Variants in RPH3A observed in about 807,000 individuals in gnomAD.
RPH3A encodes the protein rabphilin-3A.
A neutral mutation model predicts 102.2 loss-of-function variants in RPH3A; 48 were observed. The ratio of observed to expected loss-of-function variants is 0.47; its 90% CI spans 0.37 to 0.60. The LOEUF (loss-of-function observed/expected upper bound fraction) is 0.60. RPH3A is among the 20% of genes least tolerant of loss of function. RPH3A has a pLI of 0.00. For missense variants in RPH3A, 781 were observed against 910.1 expected (o/e 0.86, Z 1.83); for synonymous variants, 310 against 324.3 (o/e 0.96, Z 0.47).
chr12:112,649,239 T>C (rs2039956871), intron 1 of RPH3A, among the ~76,000 whole-genome samples: 1 of 152,256 alleles, frequency 6.6e-6, no homozygotes, highest in African/African-American at 2.4e-5. Context: ...GTTGGAAAAG[T>C]TCGTGTCCAT....
intron 1 of RPH3A, among the ~76,000 whole-genome samples, chr12:112,714,399 G>A (rs1035000485): frequency 6.6e-6 from 1 of 152,086 alleles, no homozygotes; most frequent in Non-Finnish European, 1.5e-5. Context: ...CAGGAGCCAG[G>A]CCTCGCTCTA....
intron 2 of RPH3A, among the ~76,000 whole-genome samples, chr12:112,810,071 A>G (rs2041542687): frequency 6.6e-6 from 1 of 152,222 alleles, no homozygotes; most frequent in Non-Finnish European, 1.5e-5. Flanking sequence ...GGGACATTTC[A>G]GCTTCCTTTC....
intron 2 of RPH3A, among the ~76,000 whole-genome samples, chr12:112,814,178 C>T (rs550647703): frequency 6.6e-6 from 1 of 151,704 alleles, no homozygotes; most frequent in Non-Finnish European, 1.5e-5. Flanking sequence ...TAAGAAGAGC[C>T]CTTTCCTGGC....
intron 1 of RPH3A, among the ~76,000 whole-genome samples, chr12:112,585,460 C>T (rs1019491672): frequency 2.0e-5 from 3 of 152,176 alleles, no homozygotes; most frequent in South Asian, 2.1e-4. Flanking sequence ...TTACGCTGGG[C>T]GCGGTGGCTC....
chr12:112,700,027 G>T (rs4586233), intron 1 of RPH3A, among the ~76,000 whole-genome samples: 20,093 of 151,682 alleles, frequency 0.13, 1,358 homozygotes, highest in South Asian at 0.2. Flanking sequence ...TTTCCAAGGA[G>T]AACAAGCCAC....
intron 1 of RPH3A, chr12:112,694,942 GCTGT>G (rs2040339213): frequency 5.9e-6 from 1 of 170,114 alleles, no homozygotes; most frequent in South Asian, 2.0e-4. Context: ...GTTCCCTTCT[GCTGT>G]CTGAGTTCTC....
intron 2 of RPH3A, among the ~76,000 whole-genome samples, chr12:112,823,248 G>A (rs2041811284): frequency 1.3e-5 from 2 of 152,252 alleles, no homozygotes; most frequent in South Asian, 4.1e-4. Flanking sequence ...ATGAACGGGT[G>A]TGAACAGAGT....
intron 1 of RPH3A, among the ~76,000 whole-genome samples, chr12:112,697,132 T>C (rs763829224): frequency 1.3e-5 from 2 of 152,174 alleles, no homozygotes; most frequent in East Asian, 1.9e-4. Flanking sequence ...GTCCTACCCA[T>C]GGCAATAAGG....
chr12:112,761,550 A>G (rs1032644349), intron 1 of RPH3A, among the ~76,000 whole-genome samples: 16 of 152,230 alleles, frequency 1.1e-4, no homozygotes, highest in Non-Finnish European at 2.1e-4. Flanking sequence ...GCCGTCCAGG[A>G]AAGACTGGGA....
chr12:112,805,848 C>T (rs113457279), intron 2 of RPH3A, among the ~76,000 whole-genome samples: 1 of 152,190 alleles, frequency 6.6e-6, no homozygotes, highest in Non-Finnish European at 1.5e-5. Flanking sequence ...TATTGACCAT[C>T]TACTAACATG....
chr12:112,815,072 A>G (rs970237285), intron 2 of RPH3A, among the ~76,000 whole-genome samples: 1 of 152,120 alleles, frequency 6.6e-6, no homozygotes, highest in Admixed American at 6.5e-5. Context: ...CCTTCAGAAG[A>G]ATATACCCCA....
chr12:112,725,920 C>T (rs1011233880), intron 1 of RPH3A, among the ~76,000 whole-genome samples: 4 of 151,802 alleles, frequency 2.6e-5, no homozygotes, highest in Non-Finnish European at 5.9e-5. Flanking sequence ...CTCAGCCTCA[C>T]GAGTAGCTGG....
intron 1 of RPH3A, among the ~76,000 whole-genome samples, chr12:112,734,424 C>A (rs182728557): frequency 1.2e-4 from 19 of 152,312 alleles, no homozygotes; most frequent in Non-Finnish European, 2.9e-5. Flanking sequence ...CCCATCATTA[C>A]GTGACGTGTG....
chr12:112,654,867 A>G (rs1393748830), intron 1 of RPH3A, among the ~76,000 whole-genome samples: 1 of 152,202 alleles, frequency 6.6e-6, no homozygotes, highest in Non-Finnish European at 1.5e-5. Flanking sequence ...ATCACCAATA[A>G]AAGGAGTATG....
intron 2 of RPH3A, among the ~76,000 whole-genome samples, chr12:112,815,124 C>T (rs1593034360): frequency 6.6e-6 from 1 of 152,152 alleles, no homozygotes; most frequent in Non-Finnish European, 1.5e-5. Flanking sequence ...GCTGGTGCCT[C>T]CCATTGGACA....
At chr12:112,669,097 G>GGGAA (rs2040109774) in intron 1 of RPH3A, among the ~76,000 whole-genome samples, 2 of 152,150 alleles carry the variant, frequency 1.3e-5, no homozygotes, top group Non-Finnish European at 2.9e-5. Flanking sequence ...GGTTGTGTAG[G>GGGAA]TTGCTCACTG....
At chr12:112,877,363 C>T (rs59349437) in intron 13 of RPH3A, among the ~76,000 whole-genome samples, 2,476 of 151,882 alleles carry the variant, frequency 0.016, 49 homozygotes, top group East Asian at 0.053. Flanking sequence ...ATGTACCTAT[C>T]CCACCCAGGC....
In RPH3A at chr12:112,694,548, A is replaced by G. The variant is rs138469822; in HGVS notation, c.-139-97595A>G. 3.9e-3 allele frequency among the ~76,000 whole-genome samples: 587 copies of G among 152,064 alleles called. 5 individuals are homozygous for G. Among genetic ancestry groups the G allele is most frequent in the African/African-American group, 0.014 (571 of 41,478 alleles). On this transcript the variant is annotated intron_variant, in intron 1 of 21. Transcript: ENST00000543106. ...AAGAAAGGACCAGATGAGGGCGGGG[A>G]AAAAGAGAGAGAGAGAGAGACAGAG...
chr12:112,846,083 G>A (rs1201978440), intron 4 of RPH3A, among the ~76,000 whole-genome samples: 1 of 152,084 alleles, frequency 6.6e-6, no homozygotes, highest in Non-Finnish European at 1.5e-5. Flanking sequence ...AGGACAGAGG[G>A]GCAGGTAAAG....
Sources: gnomAD v4.1 joint callset for allele counts (sites outside exome capture counted in the v4.1 genomes callset) on GRCh38, gnomAD v4.1.1 for gene constraint, MANE v1.5 for transcripts, NCBI Gene and HGNC (gene_info 2026-07-23, HGNC 2026-07-21) for gene names.